PPP1R13B: variants seen among roughly 807,000 people sequenced by gnomAD.
PPP1R13B encodes the protein apoptosis-stimulating of p53 protein 1.
Under a neutral mutation model 119.8 loss-of-function variants are expected in PPP1R13B, and 44 were observed. The observed-to-expected ratio is 0.37, with a 90% CI of 0.29 to 0.47. PPP1R13B has a LOEUF of 0.47. Ranked by LOEUF, PPP1R13B falls within the 20% of genes least tolerant of loss-of-function variation. PPP1R13B has a pLI of 0.99. For synonymous variants in PPP1R13B, 542 were observed against 561.5 expected (o/e 0.97, Z 0.49); for missense variants, 1,227 against 1,413.5 (o/e 0.87, Z 2.12).
chr14:103,758,761 C>T (rs2151988281), intron 4 of PPP1R13B, among the ~76,000 whole-genome samples: 1 of 152,302 alleles, frequency 6.6e-6, no homozygotes, highest in South Asian at 2.1e-4. Flanking sequence ...CCACACAGTT[C>T]CTCCTCAAGC....
At position 103,791,352 on chromosome 14, in the gene PPP1R13B, A is replaced by T. The variant is rs187735552; in HGVS notation, c.157+6019T>A. ...AACGGTCTCATCTTAGTTGAAAATG[A>T]AATCTGTCTGTGCTTAGCTCAAGTT... On this transcript the variant is annotated intron_variant, in intron 2 of 16. Coordinates refer to ENST00000202556, the MANE Select transcript of PPP1R13B (RefSeq NM_015316.3). Among the ~76,000 whole-genome samples the T allele has an allele frequency of 2.0e-5, 3 of 152,350 alleles. No homozygotes were observed. In the East Asian group the frequency reaches 5.8e-4, roughly 29 times the overall value.
chr14:103,746,430 T>C lies in PPP1R13B; in HGVS notation c.1093A>G (p.Ile365Val). ...GCAATACTGAGAGACTGGGGCTTTATAGGGTCCCCCAGCACAGGAAAGCTT... is the reference window on the plus strand; with the variant it reads ...GCAATACTGAGAGACTGGGGCTTTACAGGGTCCCCCAGCACAGGAAAGCTT... Reference protein sequence around the residue: ...AGSFPVLGDPIKPQSLSIASN... With the variant: ...AGSFPVLGDPVKPQSLSIASN... Residue 365 changes from isoleucine to valine, a missense_variant, in exon 9 of 17, where the codon ATA becomes GTA. Coordinates refer to ENST00000202556, the MANE Select transcript of PPP1R13B (RefSeq NM_015316.3). The C allele has an allele frequency of 6.2e-7, 1 of 1,613,986 alleles. No homozygotes were observed. The highest frequency in any genetic ancestry group is 8.5e-7 in the Non-Finnish European group (1 of 1,179,962).
At position 103,749,752 on chromosome 14, in the gene PPP1R13B, A is replaced by G. The variant is rs114451559; in HGVS notation, c.969+42T>C. On this transcript the variant is annotated intron_variant, in intron 8 of 16. Coordinates refer to ENST00000202556, the MANE Select transcript of PPP1R13B (RefSeq NM_015316.3). ...CAGAAGATGGGCAATGCTTGGATAA[A>G]CTATCTTTAGTAGTTTATCTCACAA... 1,978 of 1,592,566 alleles carry G rather than the reference A, an allele frequency of 1.2e-3. 28 individuals are homozygous for G. In the African/African-American group the frequency reaches 0.023, roughly 19 times the overall value.
rs58238383 is a variant in PPP1R13B, at chr14:103,775,279, T to TTA, written c.354+3465_354+3466insTA. Among the ~76,000 whole-genome samples the TTA allele has an allele frequency of 1.2e-3, 152 of 127,902 alleles. 2 individuals carry two copies. The East Asian group carries it at 0.021, about 18-fold the overall frequency. The allele number at this position is 127,902 out of a possible 152,430, so 83.9% of individuals were successfully genotyped here. ...TTTCTTTCACTTATTATTATTATTA[T>TTA]TTTTTTTTTTTTGGAGACAGAGTCT... is the stretch of plus-strand genomic sequence containing the variant. On this transcript the variant is annotated intron_variant, in intron 4 of 16. Transcript: ENST00000202556.
At chr14:103,806,220 C>G (rs1362710120) in intron 1 of PPP1R13B, among the ~76,000 whole-genome samples, 2 of 152,108 alleles carry the variant, frequency 1.3e-5, no homozygotes, top group Non-Finnish European at 2.9e-5. Context: ...GGTTTCTTGG[C>G]AAGAACTCAG....
chr14:103,802,287 C>CA (rs1312899171), intron 1 of PPP1R13B, among the ~76,000 whole-genome samples: 5 of 151,922 alleles, frequency 3.3e-5, no homozygotes, highest in Non-Finnish European at 7.4e-5. Flanking sequence ...CAGGCCTGGG[C>CA]AAAAGAGTGA....
rs149775819 is a variant in PPP1R13B, at chr14:103,796,140, G to A, written c.157+1231C>T. Among the ~76,000 whole-genome samples, 861 of 152,004 alleles carry A rather than the reference G, an allele frequency of 5.7e-3. 10 individuals carry two copies. Among genetic ancestry groups the A allele is most frequent in the African/African-American group, 0.019 (803 of 41,454 alleles). The stretch of plus-strand genomic sequence containing the variant: ...AACCCTGTTTCTACAAAAATTAGCC[G>A]GGCATGGTGGTGCATGCCTGTAGTC... On this transcript the variant is annotated intron_variant, in intron 2 of 16. Coordinates refer to ENST00000202556, the MANE Select transcript of PPP1R13B (RefSeq NM_015316.3).
chr14:103,780,275 C>G (rs894158613), intron 3 of PPP1R13B, among the ~76,000 whole-genome samples: 1 of 151,452 alleles, frequency 6.6e-6, no homozygotes, highest in African/African-American at 2.4e-5. Context: ...CACTTGAGAC[C>G]AGGAGTTCAC....
intron 1 of PPP1R13B, among the ~76,000 whole-genome samples, chr14:103,810,028 T>C (rs943295555): frequency 4.2e-5 from 6 of 143,786 alleles, no homozygotes; most frequent in African/African-American, 7.5e-5. Context: ...GGTTTCACCA[T>C]GTTGGCCAGA....
At chr14:103,762,545 A>C (rs1032509145) in intron 4 of PPP1R13B, among the ~76,000 whole-genome samples, 1 of 151,754 alleles carries the variant, frequency 6.6e-6, no homozygotes, top group African/African-American at 2.4e-5. Context: ...ACATGTATAC[A>C]TACGTAACAA....
Position 103,734,595 on chromosome 14 carries a change from G to C in PPP1R13B, c.*559C>G. On this transcript the variant is annotated 3_prime_UTR_variant, in exon 17 of 17. Transcript: ENST00000202556. The stretch of plus-strand genomic sequence containing the variant: ...AGGAAGCGGAACCCCCAAGGCGGCC[G>C]AGCAGAGTGGGTACTGGGAGGCATA... The C allele has an allele frequency of 2.2e-6, 1 of 456,542 alleles. No homozygotes were observed. The highest frequency in any genetic ancestry group is 4.4e-6 in the Non-Finnish European group (1 of 226,818). 28.3% of individuals were successfully genotyped at this position (456,542 alleles called of 1,614,324 possible). A position where few individuals can be genotyped will look rare whatever the true frequency, so the allele number is the denominator to read the frequency against.
chr14:103,743,866 CG>C (rs2084320489), intron 9 of PPP1R13B: 1 of 152,350 alleles, frequency 6.6e-6, no homozygotes, highest in Non-Finnish European at 1.5e-5. Context: ...CAGCCTCACA[CG>C]GCTTGCTCCT....
In PPP1R13B at chr14:103,740,238, C is replaced by G. The variant is rs749658198; in HGVS notation, c.2178G>C (p.Leu726=). The part of the protein sequence containing the change: ...GPGGPNIQKL[L]YQRFNTLAGG... ...CGGCCAGGGTGTTGAAGCGCTGGTA[C>G]AGCAGCTTCTGGATGTTGGGCCCGC... The change falls in exon 12 of 17, where the codon CTG becomes CTC. Residue 726 remains leucine (L), a synonymous_variant. Transcript: ENST00000202556. The surrounding 1 kb of genome is among the most constrained non-coding windows in gnomAD (Gnocchi z 4.6). The G allele has an allele frequency of 5.0e-6, 8 of 1,609,876 alleles. No individual in the cohort carries two copies. The highest frequency in any genetic ancestry group is 5.9e-6 in the Non-Finnish European group (7 of 1,177,384).
intron 1 of PPP1R13B, chr14:103,840,164 C>G (rs541850846): frequency 1.3e-5 from 2 of 152,304 alleles, no homozygotes; most frequent in South Asian, 2.1e-4. Flanking sequence ...ACAATAGAAT[C>G]TGATTACCAC....
chr14:103,736,235 A>G (rs2151958726), intron 15 of PPP1R13B, 33 bp from the exon 16 acceptor site: 1 of 1,601,852 alleles, frequency 6.2e-7, no homozygotes, highest in Non-Finnish European at 8.5e-7. Flanking sequence ...AGGCCTCAGC[A>G]GAGGGTGGCC....
At position 103,776,195 on chromosome 14, in the gene PPP1R13B, A is replaced by G. The variant is rs1204186502; in HGVS notation, c.354+2550T>C. ...GAGGGAGGGAGGGAGGGAGGAAGGA[A>G]GGAAGGAAGGAAGGAAGGAAGGAAG... On this transcript the variant is annotated intron_variant, in intron 4 of 16. Transcript: ENST00000202556. Among the ~76,000 whole-genome samples, 115 of 107,994 alleles carry G rather than the reference A, an allele frequency of 1.1e-3. 3 individuals are homozygous for G. The highest frequency in any genetic ancestry group is 2.0e-3 in the Non-Finnish European group (98 of 48,532). The allele number at this position is 107,994 out of a possible 152,430, so 70.8% of individuals were successfully genotyped here. A position where few individuals can be genotyped will look rare whatever the true frequency, so the allele number is the denominator to read the frequency against.
chr14:103,764,887 C>T (rs756660656), intron 4 of PPP1R13B, among the ~76,000 whole-genome samples: 4 of 152,040 alleles, frequency 2.6e-5, no homozygotes, highest in Non-Finnish European at 5.9e-5. Context: ...TGGCGGATCT[C>T]GGCTCACTGC....
chr14:103,770,291 A>T (rs1294735383), intron 4 of PPP1R13B, among the ~76,000 whole-genome samples: 1 of 152,164 alleles, frequency 6.6e-6, no homozygotes, highest in Non-Finnish European at 1.5e-5. Context: ...AGGCAGGAGG[A>T]TCACTCGAGC....
At chr14:103,843,385 T>C (rs77733413) in intron 1 of PPP1R13B, among the ~76,000 whole-genome samples, 35 of 151,516 alleles carry the variant, frequency 2.3e-4, no homozygotes, top group African/African-American at 8.5e-4. Flanking sequence ...AAAAAAAAAA[T>C]AAATCATGCT....
Sources: allele counts gnomAD v4.1 joint callset (sites outside exome capture counted in the v4.1 genomes callset), GRCh38; gene constraint gnomAD v4.1.1; non-coding constraint Gnocchi (gnomAD v3.1); transcripts MANE v1.5; gene names NCBI Gene and HGNC (gene_info 2026-07-23, HGNC 2026-07-21).